LRPPRC: variants seen among roughly 807,000 people sequenced by gnomAD.
The protein encoded by LRPPRC is leucine rich pentatricopeptide repeat containing.
LRPPRC carries 120 observed loss-of-function variants against 180.3 expected under a neutral mutation model. The ratio of observed to expected loss-of-function variants is 0.67; its 90% CI spans 0.57 to 0.77. The LOEUF (loss-of-function observed/expected upper bound fraction) is 0.77, where lower values mean the gene tolerates loss of function less well. Ranked by LOEUF, LRPPRC falls within the 30% of genes least tolerant of loss-of-function variation. The pLI is 0.00. For missense variants in LRPPRC, 2,012 were observed against 1,657.2 expected (o/e 1.21, Z -3.72); for synonymous variants, 723 against 600.0 (o/e 1.21, Z -3.00).
intron 23 of LRPPRC, among the ~76,000 whole-genome samples, chr2:43,937,758 G>A (rs1436198657): frequency 6.6e-6 from 1 of 152,162 alleles, no homozygotes; most frequent in Non-Finnish European, 1.5e-5. Flanking sequence ...CATCTAAAGT[G>A]TTTTGCACAA....
At chr2:43,974,376 C>A in intron 8 of LRPPRC, 81 bp from the exon 9 acceptor site, 1 of 1,081,036 alleles carries the variant, frequency 9.3e-7, no homozygotes, top group Non-Finnish European at 1.4e-6. Context: ...ATACTGAAGA[C>A]AAAATAAGAA....
chr2:43,946,137 T>C lies in LRPPRC; in HGVS notation c.2186A>G (p.Asp729Gly). The C allele has an allele frequency of 1.9e-6, 3 of 1,612,616 alleles. No homozygotes were observed. The highest frequency in any genetic ancestry group is 2.5e-6 in the Non-Finnish European group (3 of 1,178,828). ...CAATTCTTCTTTCAAGTTCAAGGCA[T>C]CTTCTACTTTATCATGTCGACAGCA... ...NLCCRHDKVE[D>G]ALNLKEEFDR... Residue 729 changes from aspartate (D) to glycine (G), a missense_variant, in exon 21 of 38, where the codon GAT becomes GGT. Coordinates refer to ENST00000260665, the MANE Select transcript of LRPPRC (RefSeq NM_133259.4).
chr2:43,894,606 T>TA lies in LRPPRC; in HGVS notation c.3923dup (p.Leu1308PhefsTer6), dbSNP rs1558893304. 1 of 1,578,446 alleles carries TA rather than the reference T, an allele frequency of 6.3e-7. No homozygotes were observed. Among genetic ancestry groups the TA allele is most frequent in the Admixed American group, 1.7e-5 (1 of 59,976 alleles). Reference sequence around the variant, plus strand: ...TTTCATTTAATTCAGGAATCAATTCTAACACAGATTTCACAGTTGATGCCT... The same window carrying TA: ...TTTCATTTAATTCAGGAATCAATTCTAAACACAGATTTCACAGTTGATGCCT... On this transcript the variant is annotated frameshift_variant, in exon 36 of 38. Coordinates refer to ENST00000260665, the MANE Select transcript of LRPPRC (RefSeq NM_133259.4). LOFTEE classifies it high-confidence loss of function.
intron 30 of LRPPRC, 141 bp downstream of exon 30, chr2:43,912,291 A>T: frequency 1.4e-6 from 1 of 722,494 alleles, no homozygotes; most frequent in Non-Finnish European, 2.4e-6. Context: ...AAAGTTAGTT[A>T]ACCATTTCAT....
intron 30 of LRPPRC, among the ~76,000 whole-genome samples, chr2:43,912,027 T>A (rs1238368962): frequency 6.6e-6 from 1 of 152,122 alleles, no homozygotes; most frequent in Non-Finnish European, 1.5e-5. Flanking sequence ...TTTCCCAAGG[T>A]CACAGAACTT....
intron 6 of LRPPRC, among the ~76,000 whole-genome samples, 194 bp from the exon 7 acceptor site, chr2:43,975,411 A>G (rs934981856): frequency 2.0e-5 from 3 of 152,196 alleles, no homozygotes; most frequent in Admixed American, 1.3e-4. Flanking sequence ...CTGATCCCCC[A>G]TTAAAAAATA....
chr2:43,977,160 T>G lies in LRPPRC; in HGVS notation c.586A>C (p.Asn196His). 6.2e-7 allele frequency: 1 copy of G among 1,612,304 alleles called. No individual in the cohort carries two copies. Among genetic ancestry groups the G allele is most frequent in the South Asian group, 1.1e-5 (1 of 91,040 alleles). ...TCACAATAGCAACTACTTACTCGAT[T>G]TGGTTGAATGTTTGCTTCCTCCATT... Reference protein sequence around the residue: ...AKMEEANIQPNRVTYQRLIAS... With the variant: ...AKMEEANIQPHRVTYQRLIAS... Residue 196 changes from asparagine to histidine, a missense_variant, in exon 4 of 38, where the codon AAT (asparagine) becomes CAT (histidine). Coordinates refer to ENST00000260665, the MANE Select transcript of LRPPRC (RefSeq NM_133259.4).
rs752304265 is a variant in LRPPRC, at chr2:43,918,111, T to C, written c.3062A>G (p.His1021Arg). Residue 1021 changes from histidine (H) to arginine (R), a missense_variant, in exon 29 of 38, where the codon CAT becomes CGT. By Grantham distance (29) the His-to-Arg change is conservative. Transcript: ENST00000260665. ...VPELWYEDEK[H>R]SLNSSSASTT... The stretch of plus-strand genomic sequence containing the variant: ...TGAGGCTGACGAAGAATTCAGGGAA[T>C]GTTTTTCATCTTCATACCACAACTT... The C allele has an allele frequency of 6.2e-7, 1 of 1,613,842 alleles. No homozygotes were observed. The highest frequency in any genetic ancestry group is 8.5e-7 in the Non-Finnish European group (1 of 1,179,900).
chr2:43,962,650 T>C (rs1474548195), intron 12 of LRPPRC, among the ~76,000 whole-genome samples: 2 of 152,168 alleles, frequency 1.3e-5, no homozygotes, highest in African/African-American at 4.8e-5. Context: ...ATGTGCCTCT[T>C]CATCAACAGC....
At chr2:43,976,927 T>C in intron 5 of LRPPRC, 67 bp downstream of exon 5, 1 of 1,292,724 alleles carries the variant, frequency 7.7e-7, no homozygotes, top group Non-Finnish European at 1.1e-6. Context: ...AAACAAAGAG[T>C]GAACAGACAT....
intron 23 of LRPPRC, among the ~76,000 whole-genome samples, chr2:43,939,914 TCA>T (rs1197549273): frequency 6.6e-6 from 1 of 152,206 alleles, no homozygotes; most frequent in East Asian, 1.9e-4. Flanking sequence ...ACAAGATAGC[TCA>T]TTTCCCTGCT....
intron 20 of LRPPRC, 148 bp downstream of exon 20, chr2:43,947,109 A>C (rs1672706805): frequency 3.6e-6 from 2 of 561,352 alleles, no homozygotes; most frequent in African/African-American, 1.9e-5. Flanking sequence ...TGTAGCTGAA[A>C]TTAGTTAACC....
At chr2:43,896,353 G>A (rs1572890885) in intron 35 of LRPPRC, 2 of 316,746 alleles carry the variant, frequency 6.3e-6, no homozygotes, top group South Asian at 6.1e-5. Context: ...TTACAGGTGT[G>A]AGCCACCATG....
At chr2:43,917,299 G>A (rs945581699) in intron 29 of LRPPRC, among the ~76,000 whole-genome samples, 1 of 151,702 alleles carries the variant, frequency 6.6e-6, no homozygotes, top group Non-Finnish European at 1.5e-5. Flanking sequence ...TTGGGAGGCT[G>A]AAGCCTCCCA....
At chr2:43,932,100 G>C (rs1001583519) in intron 25 of LRPPRC, among the ~76,000 whole-genome samples, 1 of 78,756 alleles carries the variant, frequency 1.3e-5, no homozygotes, top group Non-Finnish European at 2.2e-5. Flanking sequence ...CTACAGCCTG[G>C]CTAACAAAGC....
chr2:43,925,464 G>A (rs79951749), intron 26 of LRPPRC, among the ~76,000 whole-genome samples: 1,904 of 152,260 alleles, frequency 0.013, 48 homozygotes, highest in African/African-American at 0.043. Flanking sequence ...CTCAATGAGT[G>A]TATCGTACGT....
intron 12 of LRPPRC, chr2:43,963,359 G>C: frequency 1.7e-6 from 1 of 604,266 alleles, no homozygotes; most frequent in Non-Finnish European, 2.9e-6. Context: ...CAGAAGAATT[G>C]CTTGAACCCA....
chr2:43,947,135 T>C (rs1572954420), intron 20 of LRPPRC, 122 bp downstream of exon 20: 1 of 583,646 alleles, frequency 1.7e-6, no homozygotes, highest in South Asian at 2.2e-5. Context: ...TTTAATTGCA[T>C]TCTTTACAAG....
Position 43,887,367 on chromosome 2 carries a change from T to C in LRPPRC, c.*1233A>G, listed in dbSNP as rs1203927898. Reference sequence around the variant, plus strand: ...CTTCCTGGCTTCCCGCCATCAACCCTCCCTCACACCATCTGCGGGCAGGTA... The same window carrying C: ...CTTCCTGGCTTCCCGCCATCAACCCCCCCTCACACCATCTGCGGGCAGGTA... On this transcript the variant is annotated 3_prime_UTR_variant, in exon 38 of 38. Transcript: ENST00000260665. The C allele has an allele frequency of 1.3e-5, 2 of 152,164 alleles. No individual in the cohort carries two copies. Among genetic ancestry groups the C allele is most frequent in the South Asian group, 2.1e-4 (1 of 4,812 alleles). The allele number at this position is 152,164 out of a possible 1,614,324, so 9.4% of individuals were successfully genotyped here. A position where few individuals can be genotyped will look rare whatever the true frequency, so the allele number is the denominator to read the frequency against.
Sources: allele counts gnomAD v4.1 joint callset (sites outside exome capture counted in the v4.1 genomes callset), GRCh38; gene constraint gnomAD v4.1.1; transcripts MANE v1.5; gene names NCBI Gene and HGNC (gene_info 2026-07-23, HGNC 2026-07-21).